Variants in PNLIP observed in about 807,000 individuals in gnomAD.
PNLIP encodes the protein pancreatic triacylglycerol lipase.
PNLIP carries 49 observed loss-of-function variants against 57.1 expected under a neutral mutation model. That is an observed-to-expected ratio of 0.86 (90% CI 0.68 to 1.09). The LOEUF is 1.09. PNLIP is among the 50% of genes least tolerant of loss of function. The pLI is 0.00. For missense variants in PNLIP, 503 were observed against 570.2 expected (o/e 0.88, Z 1.20); for synonymous variants, 209 against 200.4 (o/e 1.04, Z -0.36).
At chr10:116,556,929 C>G (rs1847260128) in intron 9 of PNLIP, among the ~76,000 whole-genome samples, 1 of 152,056 alleles carries the variant, frequency 6.6e-6, no homozygotes, top group South Asian at 2.1e-4. Context: ...TATCTTTGGG[C>G]AAAACAGTTC....
At position 116,555,964 on chromosome 10, in the gene PNLIP, A is replaced by T; in HGVS notation, c.812-36A>T. 2.4e-6 allele frequency: 3 copies of T among 1,275,036 alleles called. No individual in the cohort carries two copies. In the East Asian group the frequency reaches 6.9e-5, roughly 30 times the overall value. The allele number at this position is 1,275,036 out of a possible 1,614,324, so 79.0% of individuals were successfully genotyped here. A position where few individuals can be genotyped will look rare whatever the true frequency, so the allele number is the denominator to read the frequency against. ...TATGACGTTAACTTGGAAAAATAAA[A>T]TCTGTCCTTGATGTGTAATTGTGTC... On this transcript the variant is annotated intron_variant, in intron 8 of 12. Coordinates refer to ENST00000369221, the MANE Select transcript of PNLIP (RefSeq NM_000936.4).
chr10:116,555,921 C>A, intron 8 of PNLIP, 79 bp from the exon 9 acceptor site: 1 of 843,320 alleles, frequency 1.2e-6, no homozygotes. Flanking sequence ...GAAATCTATT[C>A]AACCACTATA....
intron 12 of PNLIP, among the ~76,000 whole-genome samples, chr10:116,561,914 G>A (rs1179844986): frequency 6.6e-6 from 1 of 152,170 alleles, no homozygotes; most frequent in African/African-American, 2.4e-5. Flanking sequence ...GTTTCCTTTG[G>A]CAGCTGTGCT....
chr10:116,549,225 C>T (rs539291077), intron 4 of PNLIP, among the ~76,000 whole-genome samples: 1 of 152,202 alleles, frequency 6.6e-6, no homozygotes, highest in African/African-American at 2.4e-5. Context: ...TACCTGTAAT[C>T]CGAGCACTTT....
intron 12 of PNLIP, among the ~76,000 whole-genome samples, chr10:116,565,926 G>A (rs573833034): frequency 7.2e-5 from 11 of 151,892 alleles, no homozygotes; most frequent in South Asian, 2.1e-4. Flanking sequence ...CTCCTGCCTC[G>A]GCCTCCCCAG....
At chr10:116,565,104 C>T (rs939849517) in intron 12 of PNLIP, among the ~76,000 whole-genome samples, 2 of 151,504 alleles carry the variant, frequency 1.3e-5, no homozygotes, top group African/African-American at 2.4e-5. Context: ...AAATACACGA[C>T]GCAGGCGTGG....
intron 12 of PNLIP, among the ~76,000 whole-genome samples, chr10:116,563,659 G>A (rs1644325246): frequency 6.6e-6 from 1 of 152,082 alleles, no homozygotes; most frequent in Non-Finnish European, 1.5e-5. Flanking sequence ...TTCCATTTCT[G>A]AGTCAAGTAA....
In PNLIP at chr10:116,555,617, A is replaced by G. The variant is rs1359336856; in HGVS notation, c.811+110A>G. On this transcript the variant is annotated intron_variant, in intron 8 of 12. Coordinates refer to ENST00000369221, the MANE Select transcript of PNLIP (RefSeq NM_000936.4). ...GTACAGGTCTCACATTTTACATAAC[A>G]AAAGACTTTTAATTGTATCCATGAG... 4 of 1,230,810 alleles carry G rather than the reference A, an allele frequency of 3.2e-6. No individual in the cohort carries two copies. In the Admixed American group the frequency reaches 9.0e-5, roughly 28 times the overall value. 76.2% of individuals were successfully genotyped at this position (1,230,810 alleles called of 1,614,324 possible). A position where few individuals can be genotyped will look rare whatever the true frequency, so the allele number is the denominator to read the frequency against.
At chr10:116,567,231 T>C (rs1394974319) in intron 12 of PNLIP, among the ~76,000 whole-genome samples, 1 of 152,118 alleles carries the variant, frequency 6.6e-6, no homozygotes, top group South Asian at 2.1e-4. Context: ...TTCTTTCTTC[T>C]TTCTTTATTC....
intron 10 of PNLIP, 105 bp downstream of exon 10, chr10:116,559,388 C>A (rs1847290564): frequency 1.2e-6 from 1 of 818,846 alleles, no homozygotes; most frequent in Non-Finnish European, 1.9e-6. Flanking sequence ...GCTTTAAACA[C>A]CCCCTCTGCA....
intron 10 of PNLIP, among the ~76,000 whole-genome samples, chr10:116,559,869 T>G (rs1847294420): frequency 6.6e-6 from 1 of 152,208 alleles, no homozygotes; most frequent in East Asian, 1.9e-4. Flanking sequence ...TCTGCCTATC[T>G]CTAAATGGCA....
chr10:116,560,310 A>G, intron 10 of PNLIP, 106 bp from the exon 11 acceptor site: 1 of 584,184 alleles, frequency 1.7e-6, no homozygotes, highest in Non-Finnish European at 3.1e-6. Context: ...CACACACACA[A>G]TTATAAATAA....
chr10:116,547,445 T>C lies in PNLIP; in HGVS notation c.198T>C (p.Phe66=). The C allele has an allele frequency of 6.2e-7, 1 of 1,611,456 alleles. No individual in the cohort carries two copies. The highest frequency in any genetic ancestry group is 8.5e-7 in the Non-Finnish European group (1 of 1,179,166). The change falls in exon 3 of 13, where the codon TTT becomes TTC. Residue 66 remains phenylalanine, a synonymous_variant. Transcript: ENST00000369221. ...LLYTNENPNN[F]QEVAADSSSI... is the part of the protein sequence containing the mutation. ...ATACTAATGAGAACCCAAACAACTT[T>C]CAAGTAAGAACTATCACTGTGTTTA...
rs553239473 is a variant in PNLIP, at chr10:116,545,933, G to A, written c.-26G>A. ...GGAGTTTTTGTTGCTATCTGGTTGC[G>A]TGTGGAACCTGACGGAACTGCCACG... On this transcript the variant is annotated 5_prime_UTR_variant, in exon 1 of 13. It adds an upstream start codon to the 5' untranslated region. Coordinates refer to ENST00000369221, the MANE Select transcript of PNLIP (RefSeq NM_000936.4). 8.5e-6 allele frequency: 5 copies of A among 589,846 alleles called. No individual in the cohort carries two copies. The highest frequency in any genetic ancestry group is 1.5e-5 in the Non-Finnish European group (5 of 326,776). The allele number at this position is 589,846 out of a possible 1,614,324, so 36.5% of individuals were successfully genotyped here. A position where few individuals can be genotyped will look rare whatever the true frequency, so the allele number is the denominator to read the frequency against.
intron 10 of PNLIP, 150 bp from the exon 11 acceptor site, chr10:116,560,266 A>G: frequency 2.0e-6 from 1 of 490,572 alleles, no homozygotes; most frequent in East Asian, 3.2e-5. Flanking sequence ...TCACTATTTC[A>G]TTAGAAAATT....
Position 116,567,765 on chromosome 10 carries a change from G to A in PNLIP, c.1365G>A (p.Arg455=), listed in dbSNP as rs746717461. The part of the protein sequence containing the change: ...QFNFCSPETV[R]EEVLLTLTPC The stretch of plus-strand genomic sequence containing the variant: ...ACTTCTGTAGTCCAGAAACCGTCAG[G>A]GAGGAAGTTCTGCTCACCCTCACAC... Residue 455 remains arginine, a synonymous_variant, in exon 13 of 13, where the codon AGG becomes AGA. Transcript: ENST00000369221. The A allele has an allele frequency of 5.6e-6, 9 of 1,613,980 alleles. No homozygotes were observed. The highest frequency in any genetic ancestry group is 6.8e-6 in the Non-Finnish European group (8 of 1,179,860).
intron 2 of PNLIP, 67 bp downstream of exon 2, chr10:116,546,205 C>A: frequency 7.7e-7 from 1 of 1,307,178 alleles, no homozygotes. Context: ...AGGGCTAGGG[C>A]AGCTGAATTC....
intron 9 of PNLIP, among the ~76,000 whole-genome samples, chr10:116,558,318 C>A (rs1847276534): frequency 6.6e-6 from 1 of 151,804 alleles, no homozygotes; most frequent in African/African-American, 2.4e-5. Flanking sequence ...CCTCAGCCTC[C>A]CAAGTAGCTG....
chr10:116,553,881 A>T (rs201805675), intron 6 of PNLIP, 43 bp downstream of exon 6: 2 of 1,243,520 alleles, frequency 1.6e-6, no homozygotes, highest in East Asian at 2.4e-5. Context: ...TTGAGGCAAG[A>T]TGATCTCTTG....
Sources: gnomAD v4.1 joint callset for allele counts (sites outside exome capture counted in the v4.1 genomes callset) on GRCh38, gnomAD v4.1.1 for gene constraint, MANE v1.5 for transcripts, NCBI Gene and HGNC (gene_info 2026-07-23, HGNC 2026-07-21) for gene names.